Variants in OR1J2 observed in about 807,000 individuals in gnomAD.
OR1J2 encodes the protein olfactory receptor 1J2.
For synonymous variants in OR1J2, 142 were observed against 99.7 expected (o/e 1.42, Z -2.52); for missense variants, 304 against 246.1 (o/e 1.24, Z -1.57).
chr9:122,526,663 A>G, the OR1J2 span: 16 of 1,614,106 alleles, frequency 9.9e-6, no homozygotes, highest in South Asian at 3.3e-5. Context: ...GTGACAATGC[A>G]TAAAAAGGGG....
At chr9:122,483,732 A>G in the OR1J2 span, among the ~76,000 whole-genome samples, 6 of 152,242 alleles carry the variant, frequency 3.9e-5, no homozygotes, top group African/African-American at 1.4e-4. Context: ...ATGTGACAAC[A>G]TGTCGATGTT....
At chr9:122,550,968 A>G in the OR1J2 span, among the ~76,000 whole-genome samples, 4 of 152,160 alleles carry the variant, frequency 2.6e-5, no homozygotes. Flanking sequence ...AAGTCAAAGT[A>G]TCTTTGTTTG....
chr9:122,507,493 A>G (rs945205853), upstream of OR1J2, among the ~76,000 whole-genome samples: 100 of 152,188 alleles, frequency 6.6e-4, no homozygotes, highest in African/African-American at 2.2e-3. Flanking sequence ...GCTGCTAGGC[A>G]TCAGAATATA....
chr9:122,535,580 A>C, the OR1J2 span, among the ~76,000 whole-genome samples: 1 of 152,154 alleles, frequency 6.6e-6, no homozygotes, highest in African/African-American at 2.4e-5. Flanking sequence ...GTTGGAGAAG[A>C]GAGTAAAAAG....
the OR1J2 span, chr9:122,554,019 T>G: frequency 3.7e-6 from 6 of 1,613,820 alleles, no homozygotes; most frequent in Non-Finnish European, 3.4e-6. Context: ...ATCAACTTAC[T>G]CTACAGAGAG....
chr9:122,553,336 T>A, the OR1J2 span: 1 of 1,614,054 alleles, frequency 6.2e-7, no homozygotes, highest in South Asian at 1.1e-5. Flanking sequence ...CTGGTCACCA[T>A]GGTGGGGAAC....
the OR1J2 span, among the ~76,000 whole-genome samples, chr9:122,536,618 C>A: frequency 6.6e-6 from 1 of 152,134 alleles, no homozygotes; most frequent in Non-Finnish European, 1.5e-5. Context: ...CGAGAACTGA[C>A]AATTGTAATT....
upstream of OR1J2, among the ~76,000 whole-genome samples, chr9:122,507,973 A>AACTCTCTT (rs1828558406): frequency 6.6e-6 from 1 of 152,144 alleles, no homozygotes; most frequent in Non-Finnish European, 1.5e-5. Flanking sequence ...CGCAAGAGTT[A>AACTCTCTT]AGAGACCTGC....
At chr9:122,556,589 A>G in the OR1J2 span, among the ~76,000 whole-genome samples, 33 of 152,228 alleles carry the variant, frequency 2.2e-4, no homozygotes, top group African/African-American at 7.7e-4. Context: ...AGCCTAGATG[A>G]CAGGTTGAAA....
At chr9:122,559,310 T>A in the OR1J2 span, among the ~76,000 whole-genome samples, 1 of 152,040 alleles carries the variant, frequency 6.6e-6, no homozygotes, top group Non-Finnish European at 1.5e-5. Context: ...ATTTTTATTT[T>A]TTTTTATTTT....
chr9:122,568,316 G>T, the OR1J2 span: 3 of 1,614,136 alleles, frequency 1.9e-6, no homozygotes, highest in Non-Finnish European at 2.5e-6. Flanking sequence ...TCTGAAGATG[G>T]GGGTTGAAGC....
the OR1J2 span, among the ~76,000 whole-genome samples, chr9:122,546,891 G>A: frequency 6.6e-6 from 1 of 152,062 alleles, no homozygotes; most frequent in Admixed American, 6.5e-5. Context: ...CATATATAGT[G>A]ATCAGATCAC....
At chr9:122,451,204 A>G in the OR1J2 span, among the ~76,000 whole-genome samples, 1 of 137,744 alleles carries the variant, frequency 7.3e-6, no homozygotes, top group Admixed American at 7.3e-5. Flanking sequence ...TATTATTTTG[A>G]GATGGAGTTT....
chr9:122,521,534 T>C, the OR1J2 span, among the ~76,000 whole-genome samples: 1 of 152,166 alleles, frequency 6.6e-6, no homozygotes, highest in African/African-American at 2.4e-5. Flanking sequence ...ATCCAGTCCT[T>C]TGTAGAACAA....
the OR1J2 span, among the ~76,000 whole-genome samples, chr9:122,574,740 T>C: frequency 3.9e-5 from 6 of 152,114 alleles, no homozygotes; most frequent in South Asian, 2.1e-4. Flanking sequence ...AAAGCCATGG[T>C]GAGAGGGAGC....
chr9:122,567,765 G>T, the OR1J2 span: 1 of 1,614,092 alleles, frequency 6.2e-7, no homozygotes, highest in South Asian at 1.1e-5. Flanking sequence ...GGTGGAGAAG[G>T]CTTTGCGTTT....
the OR1J2 span, among the ~76,000 whole-genome samples, chr9:122,576,222 C>T: frequency 6.6e-6 from 1 of 151,366 alleles, no homozygotes; most frequent in Non-Finnish European, 1.5e-5. Flanking sequence ...TTCTTTTTTA[C>T]ATTTTTTTTT....
the OR1J2 span, among the ~76,000 whole-genome samples, chr9:122,454,843 ATTTG>A: frequency 3.9e-5 from 6 of 152,178 alleles, no homozygotes; most frequent in South Asian, 1.2e-3. Flanking sequence ...CAAGTTATTT[ATTTG>A]TTTATCTTTA....
At chr9:122,481,379 C>T in the OR1J2 span, among the ~76,000 whole-genome samples, 202 of 152,084 alleles carry the variant, frequency 1.3e-3, no homozygotes, top group Admixed American at 3.1e-3. Context: ...AGTTTCATTA[C>T]GACAGCAACC....
Sources: gnomAD v4.1 joint callset for allele counts (sites outside exome capture counted in the v4.1 genomes callset) on GRCh38, gnomAD v4.1.1 for gene constraint, MANE v1.5 for transcripts, NCBI Gene and HGNC (gene_info 2026-07-23, HGNC 2026-07-21) for gene names.